Variants in GLIS3 observed in about 807,000 individuals in gnomAD.
The protein encoded by GLIS3 is zinc finger protein GLIS3.
Under a neutral mutation model 78.6 loss-of-function variants are expected in GLIS3, and 53 were observed. That is an observed-to-expected ratio of 0.67 (90% CI 0.54 to 0.85). The LOEUF (loss-of-function observed/expected upper bound fraction) is 0.85. Among genes scored for constraint, GLIS3 ranks in the 40% least tolerant of loss-of-function variants. GLIS3 has a pLI of 0.00. For missense variants in GLIS3, 1,703 were observed against 1,231.1 expected (o/e 1.38, Z -5.74); for synonymous variants, 684 against 509.9 (o/e 1.34, Z -4.60).
chr9:4,261,586 G>A (rs895067395), intron 2 of GLIS3, among the ~76,000 whole-genome samples: 1 of 152,148 alleles, frequency 6.6e-6, no homozygotes, highest in Non-Finnish European at 1.5e-5. Flanking sequence ...CAATGGCCCA[G>A]AGAGAGAACT....
chr9:4,196,817 C>A (rs927804207), intron 2 of GLIS3, among the ~76,000 whole-genome samples: 3 of 152,110 alleles, frequency 2.0e-5, no homozygotes, highest in African/African-American at 7.2e-5. Context: ...ACAGTTTCTA[C>A]CACACAATGA....
chr9:4,456,450 T>G, the GLIS3 span, among the ~76,000 whole-genome samples: 9 of 152,232 alleles, frequency 5.9e-5, no homozygotes, highest in African/African-American at 2.2e-4. Context: ...TGTGACTGAT[T>G]TGATCATCTA....
chr9:4,307,673 C>G (rs960017952), intron 4 of GLIS3, among the ~76,000 whole-genome samples: 1 of 152,138 alleles, frequency 6.6e-6, no homozygotes, highest in African/African-American at 2.4e-5. Context: ...GGGAGACTAT[C>G]CTGGACTGTG....
At chr9:4,243,741 T>G (rs1013111619) in intron 2 of GLIS3, among the ~76,000 whole-genome samples, 1 of 152,202 alleles carries the variant, frequency 6.6e-6, no homozygotes, top group Non-Finnish European at 1.5e-5. Context: ...GCCTCTCATC[T>G]GCCTGGAATG....
In GLIS3 at chr9:4,286,017, G is replaced by T. The variant is rs12350097; in HGVS notation, c.388+21C>A. The T allele has an allele frequency of 1.8e-3, 2,957 of 1,613,976 alleles. 56 individuals are homozygous for T. In the African/African-American group the frequency reaches 0.034, roughly 19 times the overall value. On this transcript the variant is annotated intron_variant, in intron 2 of 10. Transcript: ENST00000381971. ...AAAAAATCGTTTCCATTTTTAAAAG[G>T]TTCCAGAAAGACAATCCTACCTTTC...
At chr9:3,926,228 C>CTTTTTTT (rs1263149969) in intron 6 of GLIS3, among the ~76,000 whole-genome samples, 2 of 125,170 alleles carry the variant, frequency 1.6e-5, no homozygotes, top group African/African-American at 2.9e-5. Flanking sequence ...AATGCTTTTT[C>CTTTTTTT]TTTTGTTTTT....
intron 4 of GLIS3, among the ~76,000 whole-genome samples, chr9:4,087,933 T>G (rs1284650254): frequency 2.0e-5 from 3 of 152,192 alleles, no homozygotes; most frequent in Non-Finnish European, 4.4e-5. Context: ...CGCATTATGG[T>G]TAGTTATGTA....
chr9:4,061,300 G>T (rs904714220), intron 4 of GLIS3, among the ~76,000 whole-genome samples: 6 of 145,606 alleles, frequency 4.1e-5, no homozygotes, highest in African/African-American at 1.5e-4. Context: ...CCACCTATGA[G>T]TGAGAACATG....
chr9:4,145,638 A>C (rs1331279846), intron 2 of GLIS3, among the ~76,000 whole-genome samples: 3 of 152,016 alleles, frequency 2.0e-5, no homozygotes, highest in African/African-American at 4.8e-5. Flanking sequence ...AGCAGTCTCC[A>C]AGTCACATCA....
intron 8 of GLIS3, among the ~76,000 whole-genome samples, chr9:3,865,663 A>G (rs978092057): frequency 3.3e-5 from 5 of 152,238 alleles, no homozygotes; most frequent in African/African-American, 1.2e-4. Flanking sequence ...TGTTACTGTC[A>G]TGACTCACTT....
At chr9:4,185,821 G>A (rs1270123462) in intron 2 of GLIS3, among the ~76,000 whole-genome samples, 7 of 152,070 alleles carry the variant, frequency 4.6e-5, no homozygotes, top group Non-Finnish European at 8.8e-5. Flanking sequence ...CCTCTTGCAA[G>A]AGTTCCCCAT....
intron 2 of GLIS3, among the ~76,000 whole-genome samples, chr9:4,163,989 C>T (rs1460202232): frequency 6.6e-6 from 1 of 152,210 alleles, no homozygotes; most frequent in African/African-American, 2.4e-5. Context: ...TTTCCTGGTC[C>T]TTCATAAGAA....
intron 4 of GLIS3, among the ~76,000 whole-genome samples, chr9:4,062,290 G>C (rs1371267144): frequency 1.3e-5 from 2 of 152,174 alleles, no homozygotes; most frequent in Non-Finnish European, 2.9e-5. Context: ...TGTTCCTTGA[G>C]GACCGACTGT....
the GLIS3 span, among the ~76,000 whole-genome samples, chr9:4,391,928 C>G: frequency 6.6e-6 from 1 of 152,170 alleles, no homozygotes; most frequent in Non-Finnish European, 1.5e-5. Flanking sequence ...ATAAATCATT[C>G]TATTATGAAG....
intron 2 of GLIS3, among the ~76,000 whole-genome samples, chr9:4,323,956 C>A (rs924966100): frequency 6.6e-6 from 1 of 152,134 alleles, no homozygotes; most frequent in African/African-American, 2.4e-5. Context: ...TTAGCACCAT[C>A]GTCATTCTTT....
intron 6 of GLIS3, among the ~76,000 whole-genome samples, chr9:3,916,211 C>A (rs907322484): frequency 1.3e-5 from 2 of 152,138 alleles, no homozygotes; most frequent in African/African-American, 4.8e-5. Flanking sequence ...CCATAGTAAT[C>A]GAACATCAAG....
the GLIS3 span, among the ~76,000 whole-genome samples, chr9:4,406,116 C>A: frequency 1.5e-4 from 23 of 152,252 alleles, no homozygotes; most frequent in African/African-American, 5.3e-4. Context: ...CAGCCAGTAT[C>A]ATACCAAATG....
At chr9:3,961,829 C>T (rs891227487) in intron 4 of GLIS3, among the ~76,000 whole-genome samples, 4 of 152,142 alleles carry the variant, frequency 2.6e-5, no homozygotes, top group African/African-American at 9.7e-5. Flanking sequence ...CTAAAGGGTA[C>T]CACTTAATAC....
At chr9:4,309,563 C>A (rs527875050) in intron 3 of GLIS3, among the ~76,000 whole-genome samples, 1 of 152,200 alleles carries the variant, frequency 6.6e-6, no homozygotes, top group South Asian at 2.1e-4. Flanking sequence ...ATACCCAGGT[C>A]AGAGGAATAA....
Sources: gnomAD v4.1 joint callset for allele counts (sites outside exome capture counted in the v4.1 genomes callset) on GRCh38, gnomAD v4.1.1 for gene constraint, MANE v1.5 for transcripts, NCBI Gene and HGNC (gene_info 2026-07-23, HGNC 2026-07-21) for gene names.